The following REDIC1 variants were observed in gnomAD, a reference collection of about 807,000 sequenced individuals.
REDIC1 encodes the protein regulator of DNA class I crossover intermediates 1.
the REDIC1 span, among the ~76,000 whole-genome samples, chr12:39,713,380 ATG>A: frequency 4.5e-4 from 62 of 138,600 alleles, 1 homozygote; most frequent in South Asian, 9.0e-4. Context: ...ACATATACAT[ATG>A]TATGTGTGTA....
the REDIC1 span, among the ~76,000 whole-genome samples, chr12:39,867,583 C>T: frequency 3.3e-5 from 5 of 152,242 alleles, no homozygotes; most frequent in Admixed American, 3.3e-4. Flanking sequence ...ACATCTATCT[C>T]TTAAGGTCCA....
At chr12:39,733,325 TC>T in the REDIC1 span, among the ~76,000 whole-genome samples, 1 of 152,194 alleles carries the variant, frequency 6.6e-6, no homozygotes, top group Non-Finnish European at 1.5e-5. Flanking sequence ...AGCATTGTTT[TC>T]CTTTTGTAAA....
chr12:39,772,621 G>A, the REDIC1 span, among the ~76,000 whole-genome samples: 1 of 152,062 alleles, frequency 6.6e-6, no homozygotes, highest in East Asian at 1.9e-4. Context: ...AAGAGAAGAA[G>A]AAAGAAAAAA....
chr12:39,696,572 A>AT, the REDIC1 span, among the ~76,000 whole-genome samples: 1 of 141,054 alleles, frequency 7.1e-6, no homozygotes, highest in Non-Finnish European at 1.5e-5. Flanking sequence ...AAAAAAAAAA[A>AT]AAAAAAAATA....
the REDIC1 span, chr12:39,758,002 A>AATT: frequency 5.3e-5 from 8 of 151,828 alleles, no homozygotes; most frequent in African/African-American, 1.9e-4. Flanking sequence ...TTTTCACTTC[A>AATT]ATTTACCTGT....
the REDIC1 span, among the ~76,000 whole-genome samples, chr12:39,713,488 A>G: frequency 6.7e-6 from 1 of 149,962 alleles, no homozygotes; most frequent in Non-Finnish European, 1.5e-5. Flanking sequence ...ACATTTATAC[A>G]TTTGTACACA....
At chr12:39,750,293 A>G in the REDIC1 span, among the ~76,000 whole-genome samples, 3 of 152,238 alleles carry the variant, frequency 2.0e-5, no homozygotes, top group Non-Finnish European at 2.9e-5. Context: ...GAGCCAAATC[A>G]TGAGTGAACT....
At chr12:39,666,694 C>T in the REDIC1 span, among the ~76,000 whole-genome samples, 4 of 152,144 alleles carry the variant, frequency 2.6e-5, no homozygotes, top group Non-Finnish European at 5.9e-5. Flanking sequence ...TCCATCTGGT[C>T]CTGGACTTGT....
chr12:39,760,362 A>T, the REDIC1 span: 1 of 961,582 alleles, frequency 1.0e-6, no homozygotes, highest in African/African-American at 1.7e-5. Context: ...GCATAATCAC[A>T]GTATGAAATG....
chr12:39,736,104 T>C, the REDIC1 span, among the ~76,000 whole-genome samples: 1 of 152,190 alleles, frequency 6.6e-6, no homozygotes, highest in Non-Finnish European at 1.5e-5. Flanking sequence ...AAGGATGACT[T>C]GAGGAGGAAC....
the REDIC1 span, among the ~76,000 whole-genome samples, chr12:39,719,940 G>T: frequency 3.9e-5 from 6 of 151,916 alleles, no homozygotes; most frequent in Non-Finnish European, 7.4e-5. Context: ...ATTTTTCAGT[G>T]TCAATCAGCT....
the REDIC1 span, among the ~76,000 whole-genome samples, chr12:39,634,017 T>C: frequency 6.6e-6 from 1 of 152,222 alleles, no homozygotes; most frequent in Non-Finnish European, 1.5e-5. Flanking sequence ...TAAATTACTT[T>C]GGGCAGTATG....
chr12:39,711,402 C>A, the REDIC1 span, among the ~76,000 whole-genome samples: 4 of 143,460 alleles, frequency 2.8e-5, no homozygotes, highest in South Asian at 2.2e-4. Context: ...TACATATACA[C>A]ATAGATGTAT....
At chr12:39,814,757 T>C in the REDIC1 span, among the ~76,000 whole-genome samples, 2 of 151,990 alleles carry the variant, frequency 1.3e-5, no homozygotes, top group Non-Finnish European at 2.9e-5. Flanking sequence ...GAAAGAAATT[T>C]TAAATTTCAC....
At chr12:39,792,469 A>T in the REDIC1 span, among the ~76,000 whole-genome samples, 1 of 152,216 alleles carries the variant, frequency 6.6e-6, no homozygotes, top group African/African-American at 2.4e-5. Context: ...TATGTCTTTG[A>T]AATCTGGCAT....
At chr12:39,703,727 G>A in the REDIC1 span, among the ~76,000 whole-genome samples, 1 of 152,058 alleles carries the variant, frequency 6.6e-6, no homozygotes, top group Non-Finnish European at 1.5e-5. Context: ...GGTACCAAAA[G>A]AGAGATATAG....
chr12:39,748,813 A>G, the REDIC1 span, among the ~76,000 whole-genome samples: 1 of 152,258 alleles, frequency 6.6e-6, no homozygotes, highest in Non-Finnish European at 1.5e-5. Context: ...CTGCTCCTGA[A>G]TGACTACTGG....
chr12:39,713,149 G>C, the REDIC1 span, among the ~76,000 whole-genome samples: 2 of 149,772 alleles, frequency 1.3e-5, no homozygotes, highest in Non-Finnish European at 3.0e-5. Context: ...ATGTAGATAT[G>C]TGCATATACA....
the REDIC1 span, among the ~76,000 whole-genome samples, chr12:39,861,125 T>C: frequency 6.6e-6 from 1 of 152,342 alleles, no homozygotes; most frequent in South Asian, 2.1e-4. Flanking sequence ...ATTCTTTCTG[T>C]GTGACATACT....
Sources: allele counts gnomAD v4.1 joint callset (sites outside exome capture counted in the v4.1 genomes callset), GRCh38; gene constraint gnomAD v4.1.1; transcripts MANE v1.5; gene names NCBI Gene and HGNC (gene_info 2026-07-23, HGNC 2026-07-21).